SLC5A12: variants seen among roughly 807,000 people sequenced by gnomAD.
SLC5A12 encodes the protein solute carrier family 5 member 12, also known as sodium-coupled monocarboxylate transporter 2.
In SLC5A12, 46 loss-of-function variants were observed where a neutral mutation model predicts 72.7. The ratio of observed to expected loss-of-function variants is 0.63; its 90% CI spans 0.50 to 0.81. SLC5A12 has a LOEUF of 0.81. Ranked by LOEUF, SLC5A12 falls within the 30% of genes least tolerant of loss-of-function variation. The pLI is 0.00. For synonymous variants in SLC5A12, 275 were observed against 264.4 expected, an observed-to-expected ratio of 1.04 and a Z score of -0.39; for missense variants, 683 against 740.7, an observed-to-expected ratio of 0.92 and a Z score of 0.90.
chr11:26,669,635 T>G lies in SLC5A12; in HGVS notation c.*1467A>C, dbSNP rs896057442. 8 of 152,018 alleles carry G rather than the reference T, an allele frequency of 5.3e-5. No individual in the cohort carries two copies. Among genetic ancestry groups the G allele is most frequent in the Non-Finnish European group, 8.8e-5 (6 of 67,978 alleles). The allele number at this position is 152,018 out of a possible 1,614,324, so 9.4% of individuals were successfully genotyped here. On this transcript the variant is annotated 3_prime_UTR_variant, in exon 15 of 15. Transcript: ENST00000396005. ...TCTGTTTTATAAACTCCAGTTTCTC[T>G]GTTTTAATTCCTCCACTGATTTGTC...
In SLC5A12 at chr11:26,680,392, T is replaced by TA. The variant is rs1565185805; in HGVS notation, c.1475+662_1475+663insT. Among the ~76,000 whole-genome samples, 154 of 67,382 alleles carry TA rather than the reference T, an allele frequency of 2.3e-3. 5 individuals carry two copies. The highest frequency in any genetic ancestry group is 4.9e-3 in the Non-Finnish European group (124 of 25,472). 44.2% of individuals were successfully genotyped at this position (67,382 alleles called of 152,430 possible). On this transcript the variant is annotated intron_variant, in intron 12 of 14. Coordinates refer to ENST00000396005, the MANE Select transcript of SLC5A12 (RefSeq NM_178498.4). ...ATATTCATATATATATGTATATATA[T>TA]TCATATATATATATATATTTCCTCA...
intron 9 of SLC5A12, among the ~76,000 whole-genome samples, chr11:26,687,846 C>T (rs1466480706): frequency 6.6e-6 from 1 of 152,094 alleles, no homozygotes; most frequent in African/African-American, 2.4e-5. Context: ...AGATAGGCTA[C>T]TATTAGATAG....
Position 26,673,602 on chromosome 11 carries a change from C to T in SLC5A12, c.1580-73G>A, listed in dbSNP as rs541165263. 2.2e-4 allele frequency: 316 copies of T among 1,439,430 alleles called. No homozygotes were observed. In the African/African-American group the frequency reaches 2.4e-3, roughly 11 times the overall value. 89.2% of individuals were successfully genotyped at this position (1,439,430 alleles called of 1,614,324 possible). On this transcript the variant is annotated intron_variant, in intron 13 of 14. Transcript: ENST00000396005. Reference sequence around the variant, plus strand: ...CTTCCTTTACAGATTTAAACATTGTCAACTTGAAAAGTAGGTTGCTTTTTA... The same window carrying T: ...CTTCCTTTACAGATTTAAACATTGTTAACTTGAAAAGTAGGTTGCTTTTTA...
chr11:26,687,784 T>C (rs774885641), intron 9 of SLC5A12, among the ~76,000 whole-genome samples: 6 of 152,198 alleles, frequency 3.9e-5, no homozygotes, highest in Admixed American at 6.5e-5. Flanking sequence ...AACTTCAAGA[T>C]TGATCACTAA....
chr11:26,701,405 T>C (rs1418120273), intron 6 of SLC5A12, among the ~76,000 whole-genome samples: 1 of 152,246 alleles, frequency 6.6e-6, no homozygotes, highest in Non-Finnish European at 1.5e-5. Context: ...TAGAAAATTA[T>C]GTACATTTGT....
chr11:26,719,324 G>C (rs909494721), intron 1 of SLC5A12, among the ~76,000 whole-genome samples: 1 of 152,132 alleles, frequency 6.6e-6, no homozygotes, highest in African/African-American at 2.4e-5. Flanking sequence ...AAAATATCAT[G>C]CAGTGCAGAG....
intron 9 of SLC5A12, 177 bp downstream of exon 9, chr11:26,692,312 C>CT (rs1455214955): frequency 1.7e-6 from 1 of 587,548 alleles, no homozygotes; most frequent in African/African-American, 1.9e-5. Context: ...GCTAGTCATT[C>CT]TTTCCTGATA....
intron 4 of SLC5A12, among the ~76,000 whole-genome samples, chr11:26,704,973 CAG>C (rs1320365070): frequency 6.6e-6 from 1 of 152,028 alleles, no homozygotes; most frequent in Non-Finnish European, 1.5e-5. Flanking sequence ...GTAAGTGGAA[CAG>C]AGTTCCAGGA....
At chr11:26,677,495 A>C (rs1282018280) in intron 13 of SLC5A12, among the ~76,000 whole-genome samples, 2 of 152,184 alleles carry the variant, frequency 1.3e-5, no homozygotes, top group Admixed American at 1.3e-4. Context: ...ACCGATCACT[A>C]AACTGAAATG....
rs374581708 is a variant in SLC5A12, at chr11:26,681,123, C to G, written c.1407G>C (p.Leu469Phe). Residue 469 changes from leucine to phenylalanine, a missense_variant, in exon 12 of 15, where the codon TTG becomes TTC. Coordinates refer to ENST00000396005, the MANE Select transcript of SLC5A12 (RefSeq NM_178498.4). ...YPAPASKTWPLPLSTDQCIKS... is the reference protein window; with the variant it reads ...YPAPASKTWPFPLSTDQCIKS... ...TGATACATTGGTCTGTTGACAGAGGCAAAGGCCATGTCTTAGAGGCTGGTG... is the reference window on the plus strand; with the variant it reads ...TGATACATTGGTCTGTTGACAGAGGGAAAGGCCATGTCTTAGAGGCTGGTG... 2.6e-4 allele frequency: 411 copies of G among 1,611,248 alleles called. No homozygotes were observed. Among genetic ancestry groups the G allele is most frequent in the Non-Finnish European group, 3.4e-4 (406 of 1,178,708 alleles).
At chr11:26,680,829 A>G (rs1234938122) in intron 12 of SLC5A12, among the ~76,000 whole-genome samples, 1 of 152,138 alleles carries the variant, frequency 6.6e-6, no homozygotes, top group Non-Finnish European at 1.5e-5. Context: ...CATATCTCGC[A>G]TTAACTCTTT....
intron 10 of SLC5A12, among the ~76,000 whole-genome samples, chr11:26,684,822 A>G (rs1854491673): frequency 6.6e-6 from 1 of 152,226 alleles, no homozygotes; most frequent in Non-Finnish European, 1.5e-5. Context: ...GTTGGACATG[A>G]TGATACTTTC....
rs757898327 is a variant in SLC5A12, at chr11:26,703,496, T to G, written c.821+35A>C. Reference sequence around the variant, plus strand: ...ATAATAAGTACCAAATAAGGTAAGATAAAACATTAAAATTTTTCTTGACTG... The same window carrying G: ...ATAATAAGTACCAAATAAGGTAAGAGAAAACATTAAAATTTTTCTTGACTG... On this transcript the variant is annotated intron_variant, in intron 6 of 14. Transcript: ENST00000396005. 3 of 1,606,526 alleles carry G rather than the reference T, an allele frequency of 1.9e-6. No individual in the cohort carries two copies. The Admixed American group carries it at 5.0e-5, about 27-fold the overall frequency.
At chr11:26,678,296 G>T in intron 13 of SLC5A12, among the ~76,000 whole-genome samples, 1 of 152,058 alleles carries the variant, frequency 6.6e-6, no homozygotes, top group East Asian at 1.9e-4. Context: ...TTCATACTCA[G>T]GCCTCTGGGG....
At chr11:26,677,956 C>T (rs896940289) in intron 13 of SLC5A12, among the ~76,000 whole-genome samples, 1 of 152,178 alleles carries the variant, frequency 6.6e-6, no homozygotes, top group African/African-American at 2.4e-5. Flanking sequence ...ATCTCCCACA[C>T]TCTCACCACT....
intron 3 of SLC5A12, among the ~76,000 whole-genome samples, chr11:26,709,710 T>C (rs1401529947): frequency 6.6e-6 from 1 of 152,036 alleles, no homozygotes; most frequent in East Asian, 1.9e-4. Flanking sequence ...TGAAATCACC[T>C]AAACATGAGC....
At chr11:26,682,489 T>C (rs900620096) in intron 11 of SLC5A12, among the ~76,000 whole-genome samples, 8 of 152,072 alleles carry the variant, frequency 5.3e-5, no homozygotes, top group African/African-American at 1.7e-4. Context: ...AGGAGAGCCA[T>C]GATTGGTTAG....
chr11:26,683,318 C>A (rs768006004), intron 11 of SLC5A12, among the ~76,000 whole-genome samples: 1 of 152,070 alleles, frequency 6.6e-6, no homozygotes, highest in African/African-American at 2.4e-5. Context: ...GTCCCTTCTC[C>A]CCTACATAAA....
chr11:26,723,302 G>A (rs1855513128), upstream of SLC5A12: 1 of 150,912 alleles, frequency 6.6e-6, no homozygotes, highest in South Asian at 2.1e-4. Flanking sequence ...TATGCTTTTA[G>A]TTACCAATAA....
Sources: allele counts gnomAD v4.1 joint callset (sites outside exome capture counted in the v4.1 genomes callset), GRCh38; gene constraint gnomAD v4.1.1; transcripts MANE v1.5; gene names NCBI Gene and HGNC (gene_info 2026-07-23, HGNC 2026-07-21).